CMTR1: variants seen among roughly 807,000 people sequenced by gnomAD.
CMTR1 encodes cap methyltransferase 1, also known as cap-specific mRNA (nucleoside-2'-O-)-methyltransferase 1.
CMTR1 carries 39 observed loss-of-function variants against 107.0 expected under a neutral mutation model. That is an observed-to-expected ratio of 0.36 (90% CI 0.28 to 0.48). The LOEUF (loss-of-function observed/expected upper bound fraction) is 0.48. CMTR1 is among the 20% of genes least tolerant of loss of function. The pLI is 0.99. For synonymous variants in CMTR1, 366 were observed against 379.5 expected, an observed-to-expected ratio of 0.96 and a Z score of 0.41; for missense variants, 672 against 1,064.9, an observed-to-expected ratio of 0.63 and a Z score of 5.14.
At chr6:37,473,417 C>CA in intron 16 of CMTR1, 53 bp from the exon 17 acceptor site, 1 of 1,581,584 alleles carries the variant, frequency 6.3e-7, no homozygotes, top group Non-Finnish European at 8.6e-7. Flanking sequence ...GATAGGCACC[C>CA]ATACTGTCCC....
In CMTR1 at chr6:37,453,422, GGA is replaced by G. The variant is rs1469258107; in HGVS notation, c.777+113_777+114del. 5 of 1,044,998 alleles carry G rather than the reference GGA, an allele frequency of 4.8e-6. No homozygotes were observed. The African/African-American group carries it at 6.3e-5, about 13-fold the overall frequency. The allele number at this position is 1,044,998 out of a possible 1,614,324, so 64.7% of individuals were successfully genotyped here. A position where few individuals can be genotyped will look rare whatever the true frequency, so the allele number is the denominator to read the frequency against. ...TAGGAGAGTATTCTGACTGTGTGAT[GGA>G]GATACTTTGCTTTGAGCTCCTCAGA... On this transcript the variant is annotated intron_variant, in intron 8 of 23. Transcript: ENST00000373451.
Position 37,480,097 on chromosome 6 carries a change from G to C in CMTR1, c.2460G>C (p.Lys820Asn). 6.3e-7 allele frequency: 1 copy of C among 1,595,608 alleles called. No homozygotes were observed. The highest frequency in any genetic ancestry group is 8.5e-7 in the Non-Finnish European group (1 of 1,172,276). ...HDSQKPQDQD[K>N]LSKEDVLSFI... is the part of the protein sequence containing the mutation. ...CCCAGAAGCCCCAGGACCAGGACAA[G>C]CTGTCCAAGGAGGACGTCCTCTCCT... The change falls in exon 24 of 24, where the codon AAG (lysine) becomes AAC (asparagine). Residue 820 changes from lysine to asparagine, a missense_variant. Around this residue, in one of 2 missense-constraint regions of CMTR1, gnomAD observed 583 missense variants for 968.4 expected, o/e 0.60. Transcript: ENST00000373451.
rs1761334098 is a variant in CMTR1 at position 37,458,106 on chromosome 6, G to C, written c.778-506G>C. On this transcript the variant is annotated intron_variant, in intron 8 of 23. Coordinates refer to ENST00000373451, the MANE Select transcript of CMTR1 (RefSeq NM_015050.3). This position sits in a 1 kb window ranked among gnomAD's most constrained non-coding sequence, Gnocchi z 4.7. The stretch of plus-strand genomic sequence containing the variant: ...GTCTCGGTCTGTCGCCCAGGCTCAA[G>C]TGCAGTGGCGCGATCTCAGCTCACT... Among the ~76,000 whole-genome samples the C allele has an allele frequency of 1.3e-5, 2 of 152,008 alleles. No individual in the cohort carries two copies. Among genetic ancestry groups the C allele is most frequent in the Admixed American group, 6.6e-5 (1 of 15,258 alleles).
chr6:37,457,215 G>T (rs900934456), intron 8 of CMTR1, among the ~76,000 whole-genome samples: 22 of 141,264 alleles, frequency 1.6e-4, no homozygotes, highest in African/African-American at 4.6e-4. Context: ...AGACCTCGTT[G>T]CCAAAAAAAA....
upstream of CMTR1, among the ~76,000 whole-genome samples, chr6:37,430,604 CTT>C (rs1178019499): frequency 6.6e-6 from 1 of 151,998 alleles, no homozygotes; most frequent in Non-Finnish European, 1.5e-5. Flanking sequence ...AAAAAAAAAT[CTT>C]TGTCTACCCT....
At chr6:37,476,630 G>C (rs909310072) in intron 20 of CMTR1, among the ~76,000 whole-genome samples, 5 of 151,640 alleles carry the variant, frequency 3.3e-5, no homozygotes, top group Admixed American at 6.6e-5. Context: ...AGGAGGCCAG[G>C]GTTGTAATGT....
Position 37,471,924 on chromosome 6 carries a change from A to G in CMTR1, c.1620+20A>G. 1 of 1,609,612 alleles carries G rather than the reference A, an allele frequency of 6.2e-7. No individual in the cohort carries two copies. Among genetic ancestry groups the G allele is most frequent in the Non-Finnish European group, 8.5e-7 (1 of 1,177,960 alleles). Reference sequence around the variant, plus strand: ...TGGGGGGTGAGTATCTCCCCCGCCCATTGCTGCTTCAGGGCAGGGAAGCCA... The same window carrying G: ...TGGGGGGTGAGTATCTCCCCCGCCCGTTGCTGCTTCAGGGCAGGGAAGCCA... On this transcript the variant is annotated intron_variant, in intron 15 of 23. Coordinates refer to ENST00000373451, the MANE Select transcript of CMTR1 (RefSeq NM_015050.3).
intron 4 of CMTR1, among the ~76,000 whole-genome samples, chr6:37,449,638 T>A (rs1282159605): frequency 6.6e-6 from 1 of 152,228 alleles, no homozygotes; most frequent in East Asian, 1.9e-4. Flanking sequence ...GCACTGCAGA[T>A]GATCCTAATG....
At chr6:37,465,894 G>T (rs1419257706) in intron 13 of CMTR1, among the ~76,000 whole-genome samples, 1 of 149,956 alleles carries the variant, frequency 6.7e-6, no homozygotes, top group South Asian at 2.1e-4. Context: ...TCACTTGTCA[G>T]ATATGTGATT....
rs1011315107 is a variant in CMTR1 at position 37,472,905 on chromosome 6, C to T, written c.1689+418C>T. ...GTTGGCCTAACCCCAGGTTCTTTGTCTTATTTCTGGTGAGCTGGTCCTCAG... is the reference window on the plus strand; with the variant it reads ...GTTGGCCTAACCCCAGGTTCTTTGTTTTATTTCTGGTGAGCTGGTCCTCAG... On this transcript the variant is annotated intron_variant, in intron 16 of 23. Coordinates refer to ENST00000373451, the MANE Select transcript of CMTR1 (RefSeq NM_015050.3). This position sits in a 1 kb window ranked among gnomAD's most constrained non-coding sequence, Gnocchi z 4.1. Among the ~76,000 whole-genome samples the T allele has an allele frequency of 8.5e-5, 13 of 152,136 alleles. No individual in the cohort carries two copies. The highest frequency in any genetic ancestry group is 3.1e-4 in the African/African-American group (13 of 41,424).
chr6:37,468,779 A>G (rs1761561970), intron 13 of CMTR1, among the ~76,000 whole-genome samples: 1 of 152,210 alleles, frequency 6.6e-6, no homozygotes, highest in South Asian at 2.1e-4. Context: ...GCTACTCGGG[A>G]GGCTGAGGCA....
rs185940873 is a variant in CMTR1 at position 37,448,805 on chromosome 6, C to G, written c.445-1446C>G. 5.9e-5 allele frequency among the ~76,000 whole-genome samples: 9 copies of G among 152,346 alleles called. No individual in the cohort carries two copies. In the East Asian group the frequency reaches 1.7e-3, roughly 29 times the overall value. On this transcript the variant is annotated intron_variant, in intron 4 of 23. Coordinates refer to ENST00000373451, the MANE Select transcript of CMTR1 (RefSeq NM_015050.3). The stretch of plus-strand genomic sequence containing the variant: ...TGTTTAGGTTTTATAATCCATGTTT[C>G]TCTATCCTGGTGGCACTTAGCGCTG...
Position 37,435,758 on chromosome 6 carries a change from A to T in CMTR1, c.129A>T (p.Ala43=). The T allele has an allele frequency of 6.3e-7, 1 of 1,593,540 alleles. No homozygotes were observed. The highest frequency in any genetic ancestry group is 1.1e-5 in the South Asian group (1 of 87,188). Reference sequence around the variant, plus strand: ...CTCCCTCCTCTGTCAGTCATGGAGCAAAAGGTACGTGTGCTTGTGTGGTCT... The same window carrying T: ...CTCCCTCCTCTGTCAGTCATGGAGCTAAAGGTACGTGTGCTTGTGTGGTCT... ...DEPPSSVSHG[A]KASTTSLSGS... The change falls in exon 2 of 24, where the codon GCA becomes GCT. Residue 43 remains alanine (A), a synonymous_variant. Transcript: ENST00000373451.
At position 37,477,598 on chromosome 6, in the gene CMTR1, G is replaced by A. The variant is rs1422358840; in HGVS notation, c.2112G>A (p.Lys704=). The A allele has an allele frequency of 1.9e-6, 3 of 1,613,752 alleles. No homozygotes were observed. Among genetic ancestry groups the A allele is most frequent in the African/African-American group, 2.7e-5 (2 of 74,928 alleles). Residue 704 remains lysine (K), a synonymous_variant, in exon 21 of 24, where the codon AAG becomes AAA. Coordinates refer to ENST00000373451, the MANE Select transcript of CMTR1 (RefSeq NM_015050.3). ...TCTGTCCCTCTACCTGCAGGGTGAA[G>A]GAGGTGTACAGACTGGAAGAGATGG... The part of the protein sequence containing the change: ...SRPDMNPIRV[K]EVYRLEEMEK...
At chr6:37,455,560 G>C (rs1175014406) in intron 8 of CMTR1, among the ~76,000 whole-genome samples, 3 of 152,140 alleles carry the variant, frequency 2.0e-5, no homozygotes, top group African/African-American at 7.2e-5. Flanking sequence ...TCAGGGGTTC[G>C]AGTGCCTGGG....
intron 1 of CMTR1, among the ~76,000 whole-genome samples, chr6:37,434,371 C>T (rs1771474466): frequency 6.6e-6 from 1 of 152,148 alleles, no homozygotes; most frequent in South Asian, 2.1e-4. Flanking sequence ...TGTACCTCGC[C>T]TTCCCTAAGG....
upstream of CMTR1, among the ~76,000 whole-genome samples, chr6:37,432,700 A>G (rs1771409305): frequency 6.6e-6 from 1 of 152,196 alleles, no homozygotes; most frequent in Admixed American, 6.5e-5. Flanking sequence ...CTGAGTGAGG[A>G]TGTCCAACAG....
intron 4 of CMTR1, among the ~76,000 whole-genome samples, chr6:37,449,263 T>TTTACGTTTTGTTATG (rs1771878115): frequency 1.7e-5 from 1 of 58,456 alleles, no homozygotes; most frequent in Non-Finnish European, 3.8e-5. Context: ...TCAGTACTAT[T>TTTACGTTTTGTTATG]TTATGTTTTG....
In CMTR1 at chr6:37,445,284, T is replaced by A. The variant is rs142922406; in HGVS notation, c.286-1007T>A. Among the ~76,000 whole-genome samples the A allele has an allele frequency of 7.0e-4, 106 of 152,176 alleles. 1 individual carries two copies. The East Asian group carries it at 0.02, about 29-fold the overall frequency. Reference sequence around the variant, plus strand: ...CCCCTTTCAGAGGGAATATAGACCCTCCAGGGAAATTTAGATCTTCTTAGG... The same window carrying A: ...CCCCTTTCAGAGGGAATATAGACCCACCAGGGAAATTTAGATCTTCTTAGG... On this transcript the variant is annotated intron_variant, in intron 3 of 23. Coordinates refer to ENST00000373451, the MANE Select transcript of CMTR1 (RefSeq NM_015050.3).
Sources: allele counts gnomAD v4.1 joint callset (sites outside exome capture counted in the v4.1 genomes callset), GRCh38; gene constraint gnomAD v4.1.1; regional missense constraint gnomAD v4.1.1; non-coding constraint Gnocchi (gnomAD v3.1); transcripts MANE v1.5; gene names NCBI Gene and HGNC (gene_info 2026-07-23, HGNC 2026-07-21).